PPP6R3: variants seen among roughly 807,000 people sequenced by gnomAD.
PPP6R3 encodes serine/threonine-protein phosphatase 6 regulatory subunit 3.
A neutral mutation model predicts 110.7 loss-of-function variants in PPP6R3; 38 were observed. The ratio of observed to expected loss-of-function variants is 0.34; its 90% CI spans 0.26 to 0.45. The LOEUF (loss-of-function observed/expected upper bound fraction) is 0.45. Ranked by LOEUF, PPP6R3 falls within the 20% of genes least tolerant of loss-of-function variation. The pLI, the probability that PPP6R3 is intolerant of heterozygous loss-of-function variation, is 1.00. For missense variants in PPP6R3, 870 were observed against 1,062.4 expected (o/e 0.82, Z 2.52); for synonymous variants, 369 against 373.5 (o/e 0.99, Z 0.14).
At chr11:68,610,154 CAG>C in intron 23 of PPP6R3, 131 bp downstream of exon 23, 1 of 1,286,368 alleles carries the variant, frequency 7.8e-7, no homozygotes, top group Non-Finnish European at 1.0e-6. Flanking sequence ...CCTGGCAGGA[CAG>C]GGTTTTCTCA....
At chr11:68,556,581 A>C (rs2153715354) in intron 7 of PPP6R3, among the ~76,000 whole-genome samples, 1 of 151,978 alleles carries the variant, frequency 6.6e-6, no homozygotes, top group East Asian at 1.9e-4. Context: ...CATTGTCCCA[A>C]AGGCAGGGAT....
At chr11:68,557,400 C>T (rs1041619444) in intron 7 of PPP6R3, among the ~76,000 whole-genome samples, 1 of 152,206 alleles carries the variant, frequency 6.6e-6, no homozygotes, top group Non-Finnish European at 1.5e-5. Context: ...AACTGGTGTA[C>T]AGTACACTGA....
intron 8 of PPP6R3, among the ~76,000 whole-genome samples, chr11:68,561,854 G>A (rs2099423851): frequency 1.3e-5 from 2 of 152,258 alleles, no homozygotes; most frequent in Admixed American, 6.5e-5. Context: ...GATCTCCTGG[G>A]CCTAAGTGAT....
At chr11:68,505,302 T>A (rs2099069917) in intron 1 of PPP6R3, 1 of 152,206 alleles carries the variant, frequency 6.6e-6, no homozygotes, top group African/African-American at 2.4e-5. Context: ...TACTACTGTT[T>A]GAATGAAGAA....
In PPP6R3 at chr11:68,614,583, A is replaced by C. The variant is rs1269771436; in HGVS notation, c.*1466A>C. 1.3e-6 allele frequency: 2 copies of C among 1,506,654 alleles called. No individual in the cohort carries two copies. The highest frequency in any genetic ancestry group is 2.5e-5 in the East Asian group (1 of 40,442). 93.3% of individuals were successfully genotyped at this position (1,506,654 alleles called of 1,614,324 possible). On this transcript the variant is annotated 3_prime_UTR_variant, in exon 24 of 24. Transcript: ENST00000393800. ...TTACATTGCATATGGAAATAAAAGAATCAAACGTCTAATGCCTTATTATTT... is the reference window on the plus strand; with the variant it reads ...TTACATTGCATATGGAAATAAAAGACTCAAACGTCTAATGCCTTATTATTT...
intron 2 of PPP6R3, among the ~76,000 whole-genome samples, chr11:68,520,761 G>T (rs1384171962): frequency 6.6e-6 from 1 of 152,072 alleles, no homozygotes; most frequent in Admixed American, 6.5e-5. Context: ...TTGTCTCATA[G>T]AGTTTTTTTG....
chr11:68,467,418 C>T (rs1257453007), intron 1 of PPP6R3, among the ~76,000 whole-genome samples: 1 of 152,176 alleles, frequency 6.6e-6, no homozygotes, highest in Non-Finnish European at 1.5e-5. Flanking sequence ...CATTAGAGAG[C>T]AGGACTAAAA....
intron 1 of PPP6R3, among the ~76,000 whole-genome samples, chr11:68,516,673 T>C (rs992498577): frequency 2.0e-5 from 3 of 152,182 alleles, no homozygotes; most frequent in African/African-American, 7.2e-5. Flanking sequence ...CAAATATCTT[T>C]TCAAGACCCT....
chr11:68,464,470 A>G (rs2098732025), intron 1 of PPP6R3, among the ~76,000 whole-genome samples: 1 of 152,150 alleles, frequency 6.6e-6, no homozygotes, highest in African/African-American at 2.4e-5. Flanking sequence ...CAATACTGAA[A>G]TGCAGCTGAA....
intron 18 of PPP6R3, among the ~76,000 whole-genome samples, chr11:68,592,634 C>T (rs370359930): frequency 3.1e-4 from 47 of 152,228 alleles, no homozygotes; most frequent in African/African-American, 1.1e-3. Flanking sequence ...GCTGTTAGAC[C>T]GGGCATCTTT....
Position 68,548,128 on chromosome 11 carries a change from CTT to C in PPP6R3, c.477_478del (p.Ser160CysfsTer28). 1 of 1,613,940 alleles carries C rather than the reference CTT, an allele frequency of 6.2e-7. No homozygotes were observed. The highest frequency in any genetic ancestry group is 8.5e-7 in the Non-Finnish European group (1 of 1,179,810). On this transcript the variant is annotated frameshift_variant, in exon 5 of 24. Coordinates refer to ENST00000393800, the MANE Select transcript of PPP6R3 (RefSeq NM_001164161.2). LOFTEE classifies it high-confidence loss of function. ...GACCTTATTATAAAGCACATAGGAACTTCTGCTATCATGGATTTGTTGCTCAG... is the reference window on the plus strand; with the variant it reads ...GACCTTATTATAAAGCACATAGGAACCTGCTATCATGGATTTGTTGCTCAG...
At chr11:68,552,867 T>C (rs911153317) in intron 6 of PPP6R3, among the ~76,000 whole-genome samples, 10 of 152,252 alleles carry the variant, frequency 6.6e-5, no homozygotes, top group Admixed American at 3.3e-4. Flanking sequence ...AGTCCAATTC[T>C]GCAACAAGTT....
chr11:68,521,808 T>G (rs974510373), intron 2 of PPP6R3, among the ~76,000 whole-genome samples: 3 of 152,198 alleles, frequency 2.0e-5, no homozygotes, highest in Admixed American at 2.0e-4. Context: ...TTAGTTCAAT[T>G]TTCTGTAATA....
chr11:68,530,404 A>G (rs2099231275), intron 2 of PPP6R3, among the ~76,000 whole-genome samples: 1 of 152,210 alleles, frequency 6.6e-6, no homozygotes, highest in East Asian at 1.9e-4. Context: ...TTAAAAGTCA[A>G]TAACACATTT....
chr11:68,536,522 T>A (rs2099271903), intron 2 of PPP6R3, among the ~76,000 whole-genome samples: 1 of 152,142 alleles, frequency 6.6e-6, no homozygotes, highest in African/African-American at 2.4e-5. Context: ...GCCTTGTGCC[T>A]GCCAAAGTGC....
rs139220275 is a variant in PPP6R3 at position 68,519,064 on chromosome 11, C to T, written c.-157-437C>T. On this transcript the variant is annotated intron_variant, in intron 1 of 23. Transcript: ENST00000393800. ...TTCAGTGATCTTAATGTTCTACTCACGCTTCCTGATAAAACGTATTAAGTG... is the reference window on the plus strand; with the variant it reads ...TTCAGTGATCTTAATGTTCTACTCATGCTTCCTGATAAAACGTATTAAGTG... Among the ~76,000 whole-genome samples, 1,084 of 152,300 alleles carry T rather than the reference C, an allele frequency of 7.1e-3. 4 individuals are homozygous for T. Among genetic ancestry groups the T allele is most frequent in the African/African-American group, 0.011 (465 of 41,560 alleles).
chr11:68,552,784 T>G (rs1165685786), intron 6 of PPP6R3, among the ~76,000 whole-genome samples: 1 of 152,198 alleles, frequency 6.6e-6, no homozygotes, highest in Non-Finnish European at 1.5e-5. Context: ...GGAACTTGAT[T>G]GCTCAATGGG....
At chr11:68,595,732 A>C (rs2099611942) in intron 18 of PPP6R3, among the ~76,000 whole-genome samples, 1 of 152,256 alleles carries the variant, frequency 6.6e-6, no homozygotes, top group African/African-American at 2.4e-5. Context: ...GTGAAAAGAC[A>C]GTTAAGATAT....
chr11:68,557,313 A>T (rs966223362), intron 7 of PPP6R3, among the ~76,000 whole-genome samples: 1 of 152,114 alleles, frequency 6.6e-6, no homozygotes, highest in Non-Finnish European at 1.5e-5. Context: ...GTTAGGTTAG[A>T]TACTAGTTTT....
Sources: gnomAD v4.1 joint callset for allele counts (sites outside exome capture counted in the v4.1 genomes callset) on GRCh38, gnomAD v4.1.1 for gene constraint, MANE v1.5 for transcripts, NCBI Gene and HGNC (gene_info 2026-07-23, HGNC 2026-07-21) for gene names.